Variants in DNAH1 observed in about 807,000 individuals in gnomAD.
DNAH1 encodes the protein axonemal beta dynein heavy chain 1.
A neutral mutation model predicts 484.3 loss-of-function variants in DNAH1; 327 were observed. The ratio of observed to expected loss-of-function variants is 0.68; its 90% CI spans 0.62 to 0.74. DNAH1 has a LOEUF of 0.74. DNAH1 is among the 30% of genes least tolerant of loss of function. The pLI, the probability that DNAH1 is intolerant of heterozygous loss-of-function variation, is 0.00. For synonymous variants in DNAH1, 2,192 were observed against 2,191.9 expected (o/e 1.00, Z 0.00); for missense variants, 5,052 against 5,546.8 (o/e 0.91, Z 2.83).
intron 16 of DNAH1, 146 bp from the exon 17 acceptor site, chr3:52,351,816 C>T: frequency 2.0e-6 from 2 of 976,688 alleles, no homozygotes; most frequent in Non-Finnish European, 3.0e-6. Context: ...TGTCTGGCCC[C>T]AGGTAGCCTC....
In DNAH1 at chr3:52,357,893, G is replaced by T; in HGVS notation, c.3981-5G>T. ...CCCGCTTCCTCACCCCTGTTCCCCT[G>T]GCAGATTCTACTTCCTGTCAGATGA... is the stretch of plus-strand genomic sequence containing the variant. On this transcript the variant is annotated splice_polypyrimidine_tract_variant and splice_region_variant and intron_variant, in intron 23 of 77. Transcript: ENST00000420323. 6.2e-7 allele frequency: 1 copy of T among 1,612,032 alleles called. No individual in the cohort carries two copies. The highest frequency in any genetic ancestry group is 1.1e-5 in the South Asian group (1 of 90,858).
At chr3:52,367,878 TG>T (rs1703153054) in intron 36 of DNAH1, among the ~76,000 whole-genome samples, 1 of 152,212 alleles carries the variant, frequency 6.6e-6, no homozygotes, top group African/African-American at 2.4e-5. Flanking sequence ...CAGCCCTCAA[TG>T]ATACTTTTTA....
At chr3:52,369,013 C>T (rs1703204717) in intron 37 of DNAH1, 95 bp downstream of exon 37, 2 of 1,394,006 alleles carry the variant, frequency 1.4e-6, no homozygotes, top group African/African-American at 2.8e-5. Flanking sequence ...TCACCCCTTT[C>T]TCTCAGGGCC....
chr3:52,362,490 G>A lies in DNAH1; in HGVS notation c.5083G>A (p.Asp1695Asn). The A allele has an allele frequency of 6.2e-7, 1 of 1,613,656 alleles. No individual in the cohort carries two copies. Among genetic ancestry groups the A allele is most frequent in the South Asian group, 1.1e-5 (1 of 91,004 alleles). Residue 1695 changes from aspartate to asparagine, a missense_variant, in exon 31 of 78, where the codon GAC becomes AAC. Asp to Asn is a conservative substitution (Grantham distance 23). This residue lies in a region of DNAH1 where 2,929 missense variants were observed against 3,409.4 expected (regional missense o/e 0.86). Coordinates refer to ENST00000420323, the MANE Select transcript of DNAH1 (RefSeq NM_015512.5). The surrounding 1 kb of genome is among the most constrained non-coding windows in gnomAD (Gnocchi z 5.1). ...CTACGCTGGCCGCACGGAGCTGCCT[G>A]ACAATCTGAAGGCAAGTGCAGGCCC... ...PGYAGRTELP[D>N]NLKALFRPVA... is the part of the protein sequence containing the mutation.
chr3:52,381,119 G>A lies in DNAH1; in HGVS notation c.7609-521G>A, dbSNP rs542839215. Among the ~76,000 whole-genome samples, 1 of 152,002 alleles carries A rather than the reference G, an allele frequency of 6.6e-6. No individual in the cohort carries two copies. Among genetic ancestry groups the A allele is most frequent in the South Asian group, 2.1e-4 (1 of 4,788 alleles). ...TGTTTTTGTTTGTGTGTGTGTGTATGTGACTGGGTCTTGCTCCATCACCTA... is the reference window on the plus strand; with the variant it reads ...TGTTTTTGTTTGTGTGTGTGTGTATATGACTGGGTCTTGCTCCATCACCTA... On this transcript the variant is annotated intron_variant, in intron 48 of 77. Coordinates refer to ENST00000420323, the MANE Select transcript of DNAH1 (RefSeq NM_015512.5). This position sits in a 1 kb window ranked among gnomAD's most constrained non-coding sequence, Gnocchi z 4.1.
intron 56 of DNAH1, among the ~76,000 whole-genome samples, chr3:52,387,813 G>C (rs547543701): frequency 6.6e-5 from 10 of 152,316 alleles, no homozygotes; most frequent in African/African-American, 2.4e-4. Flanking sequence ...AGCCTGGTGG[G>C]CCTCAGAACC....
At position 52,346,505 on chromosome 3, in the gene DNAH1, T is replaced by C; in HGVS notation, c.1690T>C (p.Ser564Pro). 6.2e-7 allele frequency: 1 copy of C among 1,612,996 alleles called. No homozygotes were observed. The highest frequency in any genetic ancestry group is 8.5e-7 in the Non-Finnish European group (1 of 1,179,428). The stretch of plus-strand genomic sequence containing the variant: ...GTTCCTCAAGGACAGCTGGATCAGC[T>C]CGCTAAAGGTGGCCATGCGCAGCAG... ...QMFLKDSWIS[S>P]LKVAMRSSLR... is the part of the protein sequence containing the mutation. The change falls in exon 11 of 78, where the codon TCG (serine) becomes CCG (proline). Residue 564 changes from serine to proline, a missense_variant. This residue lies in a region of DNAH1 where 1,263 missense variants were observed against 1,218.8 expected (regional missense o/e 1.04). Transcript: ENST00000420323.
At chr3:52,334,936 C>G (rs1278449881) in intron 8 of DNAH1, among the ~76,000 whole-genome samples, 1 of 151,572 alleles carries the variant, frequency 6.6e-6, no homozygotes, top group African/African-American at 2.4e-5. Flanking sequence ...GCAAGATCCG[C>G]CCCCCGGCGC....
chr3:52,348,489 G>A (rs934859370), intron 12 of DNAH1, among the ~76,000 whole-genome samples: 3 of 152,130 alleles, frequency 2.0e-5, no homozygotes, highest in African/African-American at 7.2e-5. Context: ...ACACCCAGCT[G>A]CACACAGCCC....
rs1029603522 is a variant in DNAH1, at chr3:52,370,753, C to T, written c.6453C>T (p.Phe2151=). ...TLLFPEEGLV[F]DYRLEDAGIS... The stretch of plus-strand genomic sequence containing the variant: ...TTTTCCCAGAAGAGGGGCTGGTGTT[C>T]GATTACAGGCTGGAGGACGCGGGCA... Residue 2151 remains phenylalanine (F), a synonymous_variant, in exon 41 of 78, where the codon TTC becomes TTT. Transcript: ENST00000420323. 3.1e-6 allele frequency: 5 copies of T among 1,607,384 alleles called. No homozygotes were observed. Among genetic ancestry groups the T allele is most frequent in the East Asian group, 2.2e-5 (1 of 44,666 alleles).
In DNAH1 at chr3:52,391,245, G is replaced by A. The variant is rs1263300540; in HGVS notation, c.9808G>A (p.Ala3270Thr). 9 of 1,613,560 alleles carry A rather than the reference G, an allele frequency of 5.6e-6. No homozygotes were observed. Among genetic ancestry groups the A allele is most frequent in the Middle Eastern group, 1.6e-4 (1 of 6,084 alleles). The part of the protein sequence containing the change: ...DRDFLRSMEN[A>T]IRFGKPCLLE... ...CGACTTCCTGCGCAGCATGGAGAAC[G>A]CCATCCGCTTTGGCAAGCCATGTCT... Residue 3270 changes from alanine to threonine, a missense_variant, in exon 62 of 78, where the codon GCC becomes ACC. Physicochemically the swap from Ala to Thr is moderately conservative, Grantham distance 58. Around this residue, in one of 4 missense-constraint regions of DNAH1, gnomAD observed 2,929 missense variants for 3,409.4 expected, o/e 0.86. Transcript: ENST00000420323.
intron 8 of DNAH1, among the ~76,000 whole-genome samples, chr3:52,344,070 C>G (rs1256660310): frequency 1.3e-5 from 2 of 152,182 alleles, no homozygotes; most frequent in Non-Finnish European, 2.9e-5. Context: ...CCATGATTGC[C>G]CAGTGAAAGC....
Position 52,396,810 on chromosome 3 carries a change from C to T in DNAH1, c.11610+13C>T, listed in dbSNP as rs1288702723. 6.2e-7 allele frequency: 1 copy of T among 1,612,546 alleles called. No individual in the cohort carries two copies. The highest frequency in any genetic ancestry group is 1.1e-5 in the South Asian group (1 of 90,950). Reference sequence around the variant, plus strand: ...CATCCCCTACAAGGTGGGCCTGGGGCAGACTGGGGCCTGGGGGACTGGGCA... The same window carrying T: ...CATCCCCTACAAGGTGGGCCTGGGGTAGACTGGGGCCTGGGGGACTGGGCA... On this transcript the variant is annotated intron_variant, in intron 72 of 77. Transcript: ENST00000420323.
At chr3:52,378,337 C>T (rs1299365546) in intron 46 of DNAH1, among the ~76,000 whole-genome samples, 4 of 151,764 alleles carry the variant, frequency 2.6e-5, no homozygotes, top group South Asian at 2.1e-4. Context: ...ACCCCACGAG[C>T]GCCCCCAGTT....
rs571127617 is a variant in DNAH1, at chr3:52,395,961, C to T, written c.11259+283C>T. On this transcript the variant is annotated intron_variant, in intron 70 of 77. Coordinates refer to ENST00000420323, the MANE Select transcript of DNAH1 (RefSeq NM_015512.5). This position sits in a 1 kb window ranked among gnomAD's most constrained non-coding sequence, Gnocchi z 4.4. ...CCCTTTTTTTTTTTTTTTTTTCAGA[C>T]GGAGTCTCACTCTGTCACCGGGGCT... Among the ~76,000 whole-genome samples the T allele has an allele frequency of 4.2e-4, 60 of 141,446 alleles. No individual in the cohort carries two copies. The highest frequency in any genetic ancestry group is 7.9e-4 in the Non-Finnish European group (52 of 65,796). 92.8% of individuals were successfully genotyped at this position (141,446 alleles called of 152,430 possible). A position where few individuals can be genotyped will look rare whatever the true frequency, so the allele number is the denominator to read the frequency against.
In DNAH1 at chr3:52,361,812, A is replaced by C; in HGVS notation, c.4980+46A>C. The C allele has an allele frequency of 4.6e-6, 7 of 1,532,340 alleles. No individual in the cohort carries two copies. Among genetic ancestry groups the C allele is most frequent in the Non-Finnish European group, 6.2e-6 (7 of 1,130,760 alleles). The allele number at this position is 1,532,340 out of a possible 1,614,324, so 94.9% of individuals were successfully genotyped here. On this transcript the variant is annotated intron_variant, in intron 30 of 77. Coordinates refer to ENST00000420323, the MANE Select transcript of DNAH1 (RefSeq NM_015512.5). This position sits in a 1 kb window ranked among gnomAD's most constrained non-coding sequence, Gnocchi z 5.6. Reference sequence around the variant, plus strand: ...TTACTCCCTCAGATCTGCCATACTCACGCCGCCATACTGCTCCCCATTGCA... The same window carrying C: ...TTACTCCCTCAGATCTGCCATACTCCCGCCGCCATACTGCTCCCCATTGCA...
chr3:52,337,766 G>C (rs192932780), intron 8 of DNAH1, among the ~76,000 whole-genome samples: 2 of 152,114 alleles, frequency 1.3e-5, no homozygotes, highest in East Asian at 3.9e-4. Context: ...TAACCCTTTA[G>C]TATCTGTCCT....
chr3:52,388,614 G>A lies in DNAH1; in HGVS notation c.9363+5G>A, dbSNP rs778849377. ...CGGCTGGGCCGAGCTGGCAAGGTGC[G>A]CACCCTCCTCCTGCAAGGCCTGCAA... On this transcript the variant is annotated splice_donor_5th_base_variant and intron_variant, in intron 58 of 77. Coordinates refer to ENST00000420323, the MANE Select transcript of DNAH1 (RefSeq NM_015512.5). 5.0e-6 allele frequency: 8 copies of A among 1,611,784 alleles called. No individual in the cohort carries two copies. The highest frequency in any genetic ancestry group is 2.2e-5 in the East Asian group (1 of 44,852).
chr3:52,388,679 G>A (rs371140016), intron 58 of DNAH1, 70 bp downstream of exon 58: 119 of 1,607,984 alleles, frequency 7.4e-5, no homozygotes, highest in African/African-American at 4.7e-4. Flanking sequence ...GGACCAGGGC[G>A]CCGGTGGGTC....
Sources: gnomAD v4.1 joint callset for allele counts (sites outside exome capture counted in the v4.1 genomes callset) on GRCh38, gnomAD v4.1.1 for gene constraint, gnomAD v4.1.1 regional missense constraint, Gnocchi (gnomAD v3.1) non-coding constraint, MANE v1.5 for transcripts, NCBI Gene and HGNC (gene_info 2026-07-23, HGNC 2026-07-21) for gene names.